The following HHAT variants were observed in gnomAD, a reference collection of about 807,000 sequenced individuals.
The protein encoded by HHAT is protein-cysteine N-palmitoyltransferase HHAT.
Under a neutral mutation model 70.8 loss-of-function variants are expected in HHAT, and 47 were observed. The ratio of observed to expected loss-of-function variants is 0.66; its 90% CI spans 0.53 to 0.85. The LOEUF is 0.85. Ranked by LOEUF, HHAT falls within the 40% of genes least tolerant of loss-of-function variation. HHAT has a pLI of 0.00. For synonymous variants in HHAT, 228 were observed against 247.6 expected (o/e 0.92, Z 0.74); for missense variants, 609 against 604.8 (o/e 1.01, Z -0.07).
chr1:210,377,271 A>AT (rs1056871912), intron 3 of HHAT, among the ~76,000 whole-genome samples: 1 of 151,828 alleles, frequency 6.6e-6, no homozygotes, highest in Non-Finnish European at 1.5e-5. Context: ...ATTCTATTAC[A>AT]TTTTTTTCAT....
In HHAT at chr1:210,645,341, G is replaced by A. The variant is rs148680832; in HGVS notation, c.1390+21671G>A. Among the ~76,000 whole-genome samples the A allele has an allele frequency of 7.9e-3, 1,197 of 152,162 alleles. 14 individuals carry two copies. Among genetic ancestry groups the A allele is most frequent in the African/African-American group, 0.027 (1,137 of 41,512 alleles). On this transcript the variant is annotated intron_variant, in intron 11 of 11. Coordinates refer to ENST00000261458, the MANE Select transcript of HHAT (RefSeq NM_018194.6). ...CGCCCAGGCTGAAGTTCGGTGGCAC[G>A]ATCTCAGCTCACTGCAAGCTCTGCC...
At position 210,450,363 on chromosome 1, in the gene HHAT, G is replaced by A. The variant is rs1000141156; in HGVS notation, c.857-14142G>A. Reference sequence around the variant, plus strand: ...GGGAAGGGTGCCAACTGGGGAAAATGTATGGAAGATCTGCATAGATCACTG... The same window carrying A: ...GGGAAGGGTGCCAACTGGGGAAAATATATGGAAGATCTGCATAGATCACTG... On this transcript the variant is annotated intron_variant, in intron 7 of 11. Transcript: ENST00000261458. 5.9e-5 allele frequency among the ~76,000 whole-genome samples: 9 copies of A among 152,192 alleles called. No individual in the cohort carries two copies. In the East Asian group the frequency reaches 1.2e-3, roughly 20 times the overall value.
At chr1:210,457,496 G>A (rs1030075820) in intron 7 of HHAT, among the ~76,000 whole-genome samples, 4 of 152,088 alleles carry the variant, frequency 2.6e-5, no homozygotes, top group African/African-American at 9.7e-5. Context: ...CTGACACAGG[G>A]GCATAAGCTG....
intron 10 of HHAT, among the ~76,000 whole-genome samples, chr1:210,599,799 C>A (rs927624043): frequency 6.6e-6 from 1 of 152,162 alleles, no homozygotes; most frequent in Non-Finnish European, 1.5e-5. Context: ...ATGTTGCTGT[C>A]TTTTAAATCC....
intron 8 of HHAT, among the ~76,000 whole-genome samples, chr1:210,507,787 A>G (rs2094886275): frequency 6.6e-6 from 1 of 152,226 alleles, no homozygotes; most frequent in Non-Finnish European, 1.5e-5. Flanking sequence ...TAAAGAGGAA[A>G]TCCATACTAT....
chr1:210,552,352 T>C lies in HHAT; in HGVS notation c.1044-35546T>C, dbSNP rs74997230. On this transcript the variant is annotated intron_variant, in intron 9 of 11. Transcript: ENST00000261458. Reference sequence around the variant, plus strand: ...AAATGTAGGTAACTTACATGTCCGATTTGTGTCCTTCTGAGATGCTGTTCT... The same window carrying C: ...AAATGTAGGTAACTTACATGTCCGACTTGTGTCCTTCTGAGATGCTGTTCT... Among the ~76,000 whole-genome samples, 637 of 152,306 alleles carry C rather than the reference T, an allele frequency of 4.2e-3. 4 individuals carry two copies. The highest frequency in any genetic ancestry group is 0.015 in the African/African-American group (612 of 41,564).
At chr1:210,604,800 G>A (rs1665048643) in intron 10 of HHAT, among the ~76,000 whole-genome samples, 1 of 152,112 alleles carries the variant, frequency 6.6e-6, no homozygotes, top group Non-Finnish European at 1.5e-5. Context: ...AGAATCCTTT[G>A]AGGCCAGGAG....
At chr1:210,618,110 AAC>A (rs1668109393) in intron 10 of HHAT, among the ~76,000 whole-genome samples, 1 of 152,196 alleles carries the variant, frequency 6.6e-6, no homozygotes, top group African/African-American at 2.4e-5. Flanking sequence ...AAACTGGTGA[AAC>A]ACAGACTTCT....
intron 9 of HHAT, among the ~76,000 whole-genome samples, chr1:210,561,558 T>G (rs1031395154): frequency 6.6e-6 from 1 of 152,182 alleles, no homozygotes; most frequent in Non-Finnish European, 1.5e-5. Flanking sequence ...GCTCAGTAAG[T>G]GTTCATTCTT....
intron 9 of HHAT, among the ~76,000 whole-genome samples, chr1:210,522,702 G>A (rs1345501097): frequency 1.3e-5 from 2 of 152,102 alleles, no homozygotes; most frequent in Non-Finnish European, 2.9e-5. Flanking sequence ...AATAGTATAT[G>A]CTAATCACTC....
intron 7 of HHAT, among the ~76,000 whole-genome samples, chr1:210,445,079 C>A (rs2148373152): frequency 6.6e-6 from 1 of 152,302 alleles, no homozygotes; most frequent in East Asian, 1.9e-4. Context: ...ACTGTGTGAT[C>A]TGCCTGACTC....
chr1:210,430,713 G>T (rs1380944136), intron 7 of HHAT, among the ~76,000 whole-genome samples: 1 of 151,786 alleles, frequency 6.6e-6, no homozygotes, highest in Non-Finnish European at 1.5e-5. Context: ...TGAGTGCTCT[G>T]TATTCAAAAG....
At chr1:210,543,812 C>T (rs1475591919) in intron 9 of HHAT, among the ~76,000 whole-genome samples, 2 of 152,126 alleles carry the variant, frequency 1.3e-5, no homozygotes, top group African/African-American at 4.8e-5. Context: ...AATCTAGCAA[C>T]ATCCTCAGAA....
rs148946289 is a variant in HHAT, at chr1:210,455,074, A to G, written c.857-9431A>G. 1.6e-3 allele frequency among the ~76,000 whole-genome samples: 238 copies of G among 152,154 alleles called. 1 individual carries two copies. Among genetic ancestry groups the G allele is most frequent in the African/African-American group, 5.0e-3 (206 of 41,508 alleles). On this transcript the variant is annotated intron_variant, in intron 7 of 11. Coordinates refer to ENST00000261458, the MANE Select transcript of HHAT (RefSeq NM_018194.6). ...GAGGCTGATGGGAGGCCAGGAGGCAATTTTCATGCAGCTGTTGAAGCTCTT... is the reference window on the plus strand; with the variant it reads ...GAGGCTGATGGGAGGCCAGGAGGCAGTTTTCATGCAGCTGTTGAAGCTCTT...
intron 8 of HHAT, among the ~76,000 whole-genome samples, chr1:210,471,077 T>C (rs971363701): frequency 6.6e-6 from 1 of 152,160 alleles, no homozygotes; most frequent in Non-Finnish European, 1.5e-5. Flanking sequence ...CTATGCTGAA[T>C]GGACAGGTGG....
At chr1:210,562,607 A>C (rs2095633418) in intron 9 of HHAT, among the ~76,000 whole-genome samples, 1 of 151,704 alleles carries the variant, frequency 6.6e-6, no homozygotes, top group South Asian at 2.1e-4. Context: ...CTTTGTGTTC[A>C]ATGTCTTGGT....
At chr1:210,586,768 A>G (rs2148783872) in intron 9 of HHAT, among the ~76,000 whole-genome samples, 2 of 152,352 alleles carry the variant, frequency 1.3e-5, no homozygotes, top group Middle Eastern at 6.8e-3. Flanking sequence ...TAAAAAGGCT[A>G]TTGCAAGAAG....
chr1:210,620,937 T>C (rs2148868079), intron 10 of HHAT, among the ~76,000 whole-genome samples: 1 of 151,648 alleles, frequency 6.6e-6, no homozygotes, highest in South Asian at 2.1e-4. Context: ...TATGGAACCA[T>C]GTAGCTTAGA....
chr1:210,659,612 C>CA (rs747064478), intron 11 of HHAT, among the ~76,000 whole-genome samples: 3 of 151,958 alleles, frequency 2.0e-5, no homozygotes, highest in Non-Finnish European at 4.4e-5. Flanking sequence ...AGAGACACAA[C>CA]AAAAAAAGAG....
Sources: gnomAD v4.1 joint callset for allele counts (sites outside exome capture counted in the v4.1 genomes callset) on GRCh38, gnomAD v4.1.1 for gene constraint, MANE v1.5 for transcripts, NCBI Gene and HGNC (gene_info 2026-07-23, HGNC 2026-07-21) for gene names.